REEP3: variants seen among roughly 807,000 people sequenced by gnomAD.
The protein encoded by REEP3 is receptor accessory protein 3, also known as receptor expression-enhancing protein 3.
In REEP3, 20 loss-of-function variants were observed where a neutral mutation model predicts 41.3. The observed-to-expected ratio is 0.48, with a 90% CI of 0.34 to 0.70. REEP3 has a LOEUF of 0.70. Ranked by LOEUF, REEP3 falls within the 30% of genes least tolerant of loss-of-function variation. The pLI, the probability that REEP3 is intolerant of heterozygous loss-of-function variation, is 0.01. For synonymous variants in REEP3, 104 were observed against 101.8 expected (o/e 1.02, Z -0.13); for missense variants, 271 against 308.8 (o/e 0.88, Z 0.92).
rs1471489804 is a variant in REEP3 at position 63,598,161 on chromosome 10, A to G, written c.303+17A>G. The G allele has an allele frequency of 1.9e-6, 3 of 1,541,684 alleles. No individual in the cohort carries two copies. Among genetic ancestry groups the G allele is most frequent in the Non-Finnish European group, 2.7e-6 (3 of 1,126,170 alleles). ...AAGGAAAGGGTAAGATATATAAATTACTTCCGTAAATAATTTTTTAGAAAT... is the reference window on the plus strand; with the variant it reads ...AAGGAAAGGGTAAGATATATAAATTGCTTCCGTAAATAATTTTTTAGAAAT... On this transcript the variant is annotated intron_variant, in intron 4 of 7. Coordinates refer to ENST00000373758, the MANE Select transcript of REEP3 (RefSeq NM_001001330.3).
chr10:63,600,530 A>T (rs1589884112), intron 5 of REEP3, among the ~76,000 whole-genome samples: 1 of 152,330 alleles, frequency 6.6e-6, no homozygotes, highest in East Asian at 1.9e-4. Flanking sequence ...TTTTCAGCTT[A>T]AAGGACTATG....
chr10:63,606,893 T>C (rs1039380285), intron 5 of REEP3, among the ~76,000 whole-genome samples: 1 of 152,226 alleles, frequency 6.6e-6, no homozygotes. Context: ...GTTTTGCATT[T>C]TTCCATGCCT....
chr10:63,541,039 C>G (rs1955523490), intron 1 of REEP3, among the ~76,000 whole-genome samples: 1 of 152,000 alleles, frequency 6.6e-6, no homozygotes, highest in African/African-American at 2.4e-5. Context: ...TTTTAGATTT[C>G]TTTATTCTTT....
chr10:63,598,140 A>C lies in REEP3; in HGVS notation c.299A>C (p.Glu100Ala). ...CTTCATCCACTTCTTTCTTCAAAGGAAAGGGTAAGATATATAAATTACTTC... is the reference window on the plus strand; with the variant it reads ...CTTCATCCACTTCTTTCTTCAAAGGCAAGGGTAAGATATATAAATTACTTC... ...KFLHPLLSSK[E>A]REIDDYIVQA... Residue 100 changes from glutamate (E) to alanine (A), a missense_variant, in exon 4 of 8, where the codon GAA (glutamate) becomes GCA (alanine). Glu to Ala is a moderately radical substitution (Grantham distance 107). Transcript: ENST00000373758. 1 of 1,581,374 alleles carries C rather than the reference A, an allele frequency of 6.3e-7. No individual in the cohort carries two copies. The highest frequency in any genetic ancestry group is 1.1e-5 in the South Asian group (1 of 89,896).
chr10:63,588,839 G>A (rs1371772602), intron 2 of REEP3, among the ~76,000 whole-genome samples: 2 of 152,148 alleles, frequency 1.3e-5, no homozygotes, highest in Non-Finnish European at 2.9e-5. Context: ...GGAGATATTC[G>A]AACACAGACC....
intron 1 of REEP3, among the ~76,000 whole-genome samples, chr10:63,559,155 A>C (rs1365135917): frequency 1.3e-5 from 2 of 152,196 alleles, no homozygotes; most frequent in Non-Finnish European, 2.9e-5. Flanking sequence ...ACAAGCTACA[A>C]TTTAAATTAT....
chr10:63,552,189 G>A (rs917265252), intron 1 of REEP3, among the ~76,000 whole-genome samples: 14 of 152,192 alleles, frequency 9.2e-5, no homozygotes, highest in Admixed American at 2.0e-4. Context: ...TGGATCACGA[G>A]GTCAGGAGAT....
At chr10:63,605,526 TTA>T (rs1956216747) in intron 5 of REEP3, among the ~76,000 whole-genome samples, 2 of 152,188 alleles carry the variant, frequency 1.3e-5, no homozygotes, top group Non-Finnish European at 2.9e-5. Context: ...GCATTGCTGG[TTA>T]TATGTTTTTA....
chr10:63,564,450 C>T (rs1955776942), intron 1 of REEP3, among the ~76,000 whole-genome samples: 1 of 151,544 alleles, frequency 6.6e-6, no homozygotes, highest in South Asian at 2.1e-4. Flanking sequence ...TGGCGAAATC[C>T]CATCTCTACT....
chr10:63,609,793 A>G (rs1040803248), intron 5 of REEP3, among the ~76,000 whole-genome samples: 1 of 152,036 alleles, frequency 6.6e-6, no homozygotes, highest in African/African-American at 2.4e-5. Flanking sequence ...AAATAAATAA[A>G]ACAAAAAATT....
At chr10:63,538,386 A>T (rs1315519199) in intron 1 of REEP3, among the ~76,000 whole-genome samples, 2 of 152,224 alleles carry the variant, frequency 1.3e-5, no homozygotes, top group Non-Finnish European at 2.9e-5. Context: ...TTAACATTTT[A>T]TACTTGATGT....
chr10:63,522,585 G>T (rs1955291646), intron 1 of REEP3, among the ~76,000 whole-genome samples: 1 of 152,110 alleles, frequency 6.6e-6, no homozygotes, highest in African/African-American at 2.4e-5. Flanking sequence ...AAAGGTATAT[G>T]AAAAAATGTT....
At position 63,560,573 on chromosome 10, in the gene REEP3, C is replaced by G. The variant is rs567685012; in HGVS notation, c.33-5765C>G. 7.6e-4 allele frequency among the ~76,000 whole-genome samples: 116 copies of G among 152,270 alleles called. 1 individual carries two copies. Among genetic ancestry groups the G allele is most frequent in the Admixed American group, 1.4e-3 (21 of 15,288 alleles). On this transcript the variant is annotated intron_variant, in intron 1 of 7. Transcript: ENST00000373758. ...GCCAGCGTTCGTACATTTCCAAAGT[C>G]AACTTTACATTAGTCGGGGTGAACA...
At chr10:63,582,339 G>T (rs1265804832) in intron 2 of REEP3, among the ~76,000 whole-genome samples, 2 of 152,150 alleles carry the variant, frequency 1.3e-5, no homozygotes, top group Non-Finnish European at 2.9e-5. Context: ...CCCTCTCTCT[G>T]CACCTTGTGA....
intron 1 of REEP3, among the ~76,000 whole-genome samples, chr10:63,532,392 GAAAT>G (rs1311857179): frequency 6.6e-6 from 1 of 152,098 alleles, no homozygotes; most frequent in Non-Finnish European, 1.5e-5. Flanking sequence ...TATAAATAAA[GAAAT>G]AAAGTGCTGT....
At position 63,539,630 on chromosome 10, in the gene REEP3, A is replaced by T. The variant is rs1955510168; in HGVS notation, c.32+18053A>T. Among the ~76,000 whole-genome samples, 3 of 152,280 alleles carry T rather than the reference A, an allele frequency of 2.0e-5. No individual in the cohort carries two copies. In the East Asian group the frequency reaches 5.8e-4, roughly 29 times the overall value. ...CAACATAGCAAGACCCCATCTCTTT[A>T]AAAAAATGTTAAAATTATGTTCACT... On this transcript the variant is annotated intron_variant, in intron 1 of 7. Coordinates refer to ENST00000373758, the MANE Select transcript of REEP3 (RefSeq NM_001001330.3).
intron 6 of REEP3, among the ~76,000 whole-genome samples, chr10:63,615,178 G>A (rs1956303045): frequency 6.6e-6 from 1 of 152,146 alleles, no homozygotes; most frequent in Admixed American, 6.5e-5. Context: ...TACTAAAATG[G>A]TAACAGTGTT....
chr10:63,619,567 T>C, intron 6 of REEP3, 88 bp from the exon 7 acceptor site: 1 of 1,171,136 alleles, frequency 8.5e-7, no homozygotes, highest in Non-Finnish European at 1.2e-6. Context: ...ATGCAAACCA[T>C]ACAAAGAACT....
chr10:63,603,849 T>A (rs1956199321), intron 5 of REEP3, among the ~76,000 whole-genome samples: 1 of 152,190 alleles, frequency 6.6e-6, no homozygotes, highest in Admixed American at 6.5e-5. Context: ...TTAAAGTACA[T>A]GAAATTAGTT....
Sources: allele counts gnomAD v4.1 joint callset (sites outside exome capture counted in the v4.1 genomes callset), GRCh38; gene constraint gnomAD v4.1.1; transcripts MANE v1.5; gene names NCBI Gene and HGNC (gene_info 2026-07-23, HGNC 2026-07-21).